Variants in PKNOX2 observed in about 807,000 individuals in gnomAD.
PKNOX2 encodes PBX/knotted 1 homeobox 2.
PKNOX2 carries 14 observed loss-of-function variants against 53.1 expected under a neutral mutation model. The observed-to-expected ratio is 0.26, with a 90% confidence interval of 0.17 to 0.41. PKNOX2 has a LOEUF of 0.41. Ranked by LOEUF, PKNOX2 falls within the 10% of genes least tolerant of loss-of-function variation. The pLI, the probability that PKNOX2 is intolerant of heterozygous loss-of-function variation, is 1.00. For synonymous variants in PKNOX2, 257 were observed against 242.8 expected (o/e 1.06, Z -0.54); for missense variants, 496 against 602.8 (o/e 0.82, Z 1.85).
At chr11:125,220,898 CTCCCATTTCTGT>C (rs1356408112) in intron 1 of PKNOX2, among the ~76,000 whole-genome samples, 5 of 152,158 alleles carry the variant, frequency 3.3e-5, no homozygotes, top group African/African-American at 9.7e-5. Flanking sequence ...TTGTGTTCTG[CTCCCATTTCTGT>C]TCTAATTCTA....
intron 10 of PKNOX2, among the ~76,000 whole-genome samples, chr11:125,414,918 G>C (rs956472043): frequency 3.3e-5 from 5 of 152,170 alleles, no homozygotes; most frequent in Non-Finnish European, 5.9e-5. Flanking sequence ...CAAAATTTGT[G>C]AATATTAATC....
intron 2 of PKNOX2, 66 bp from the exon 3 acceptor site, chr11:125,331,753 C>T (rs955763375): frequency 2.0e-5 from 3 of 152,540 alleles, no homozygotes; most frequent in African/African-American, 7.2e-5. Flanking sequence ...CCGGAAGCCC[C>T]TCCTCTCTGA....
At chr11:125,248,782 A>G (rs867626257) in intron 2 of PKNOX2, among the ~76,000 whole-genome samples, 5 of 147,828 alleles carry the variant, frequency 3.4e-5, no homozygotes, top group Non-Finnish European at 7.4e-5. Context: ...GGTGTGTCCT[A>G]TATGATGGGT....
At chr11:125,265,944 C>T (rs1263345395) in intron 2 of PKNOX2, among the ~76,000 whole-genome samples, 1 of 152,304 alleles carries the variant, frequency 6.6e-6, no homozygotes, top group South Asian at 2.1e-4. Context: ...GCATGACACC[C>T]GCCCATCAGG....
chr11:125,317,938 TTTG>T (rs1949300864), intron 2 of PKNOX2, among the ~76,000 whole-genome samples: 1 of 152,188 alleles, frequency 6.6e-6, no homozygotes, highest in Non-Finnish European at 1.5e-5. Flanking sequence ...ACTGAAAAAA[TTTG>T]TTGTTTACTG....
At chr11:125,249,681 T>C (rs1039745938) in intron 2 of PKNOX2, among the ~76,000 whole-genome samples, 1 of 152,320 alleles carries the variant, frequency 6.6e-6, no homozygotes, top group East Asian at 1.9e-4. Flanking sequence ...CCAAGTGGGA[T>C]TCTGGAACAA....
intron 2 of PKNOX2, among the ~76,000 whole-genome samples, chr11:125,250,442 G>C (rs559003767): frequency 6.6e-6 from 1 of 152,258 alleles, no homozygotes; most frequent in South Asian, 2.1e-4. Context: ...CCCAGGCCTT[G>C]TATCATCTCC....
chr11:125,204,123 G>C (rs935467799), intron 1 of PKNOX2, among the ~76,000 whole-genome samples: 1 of 152,184 alleles, frequency 6.6e-6, no homozygotes, highest in African/African-American at 2.4e-5. Context: ...AGAGACACCA[G>C]AGCGGGAAAG....
chr11:125,344,087 G>T (rs950432190), intron 3 of PKNOX2, among the ~76,000 whole-genome samples: 6 of 152,144 alleles, frequency 3.9e-5, no homozygotes, highest in Non-Finnish European at 7.4e-5. Flanking sequence ...GCTTTATCAT[G>T]CTGCTTGTGT....
intron 6 of PKNOX2, among the ~76,000 whole-genome samples, chr11:125,388,688 C>G (rs1245318325): frequency 6.6e-6 from 1 of 152,068 alleles, no homozygotes; most frequent in Non-Finnish European, 1.5e-5. Flanking sequence ...AACTCAAATC[C>G]TCCCCATCCC....
intron 2 of PKNOX2, among the ~76,000 whole-genome samples, chr11:125,280,639 G>A (rs967136128): frequency 2.6e-5 from 4 of 152,162 alleles, no homozygotes; most frequent in Admixed American, 1.3e-4. Context: ...GCAGCCTGGC[G>A]TGGGTTCCTT....
At chr11:125,195,416 G>C (rs1045949934) in intron 1 of PKNOX2, among the ~76,000 whole-genome samples, 1 of 152,116 alleles carries the variant, frequency 6.6e-6, no homozygotes, top group Non-Finnish European at 1.5e-5. Flanking sequence ...GGATGGCTTG[G>C]AGCTGGGAGG....
At chr11:125,235,711 T>G (rs1942619865) in intron 2 of PKNOX2, among the ~76,000 whole-genome samples, 1 of 152,154 alleles carries the variant, frequency 6.6e-6, no homozygotes, top group South Asian at 2.1e-4. Context: ...AGAGCCTTCC[T>G]AGGTAACGCC....
At chr11:125,353,768 A>G (rs11601319) in intron 4 of PKNOX2, among the ~76,000 whole-genome samples, 2,764 of 152,348 alleles carry the variant, frequency 0.018, 71 homozygotes, top group Non-Finnish European at 0.023. Flanking sequence ...ATCAGTGTCC[A>G]TGGTGAACTG....
intron 3 of PKNOX2, among the ~76,000 whole-genome samples, chr11:125,333,064 C>T (rs978362239): frequency 2.6e-5 from 4 of 152,124 alleles, no homozygotes; most frequent in Non-Finnish European, 2.9e-5. Flanking sequence ...ATGCCCGTTT[C>T]GGGGGCAAGT....
intron 2 of PKNOX2, among the ~76,000 whole-genome samples, chr11:125,281,248 G>A (rs113580656): frequency 9.9e-5 from 15 of 152,186 alleles, no homozygotes; most frequent in Admixed American, 4.6e-4. Flanking sequence ...ACGTATATGC[G>A]TGGTATGGCC....
At chr11:125,186,032 A>G (rs1956426849) in intron 1 of PKNOX2, among the ~76,000 whole-genome samples, 2 of 145,630 alleles carry the variant, frequency 1.4e-5, no homozygotes, top group Admixed American at 1.4e-4. Context: ...CATGCTGACC[A>G]ACATTTGTTA....
intron 2 of PKNOX2, among the ~76,000 whole-genome samples, chr11:125,264,302 G>GT (rs1945130236): frequency 6.6e-6 from 1 of 152,184 alleles, no homozygotes. Flanking sequence ...CTCACCGTAT[G>GT]TCCCCAGGAA....
intron 7 of PKNOX2, 65 bp downstream of exon 7, chr11:125,398,127 G>A (rs1037692682): frequency 3.6e-5 from 54 of 1,489,136 alleles, no homozygotes; most frequent in South Asian, 5.3e-5. Flanking sequence ...GGAGCCACGC[G>A]TGGAGGAAGG....
Sources: gnomAD v4.1 joint callset for allele counts (sites outside exome capture counted in the v4.1 genomes callset) on GRCh38, gnomAD v4.1.1 for gene constraint, MANE v1.5 for transcripts, NCBI Gene and HGNC (gene_info 2026-07-23, HGNC 2026-07-21) for gene names.